Variants in CEP83 observed in about 807,000 individuals in gnomAD.
CEP83 encodes the protein centrosomal protein of 83 kDa.
Under a neutral mutation model 101.9 loss-of-function variants are expected in CEP83, and 70 were observed. The observed-to-expected ratio is 0.69, with a 90% CI of 0.57 to 0.84. The LOEUF (loss-of-function observed/expected upper bound fraction) is 0.84. Among genes scored for constraint, CEP83 ranks in the 40% least tolerant of loss-of-function variants. CEP83 has a pLI of 0.00. For synonymous variants in CEP83, 264 were observed against 267.9 expected (o/e 0.99, Z 0.14); for missense variants, 715 against 787.2 (o/e 0.91, Z 1.10).
intron 11 of CEP83, among the ~76,000 whole-genome samples, chr12:94,356,119 C>G (rs2060461502): frequency 6.6e-6 from 1 of 152,166 alleles, no homozygotes; most frequent in African/African-American, 2.4e-5. Flanking sequence ...GAAGGGTCGC[C>G]AGAGCGACGG....
chr12:94,362,567 G>A (rs2060823705), intron 11 of CEP83, among the ~76,000 whole-genome samples: 1 of 151,674 alleles, frequency 6.6e-6, no homozygotes, highest in Admixed American at 6.6e-5. Context: ...AACCTGGGAG[G>A]CAGAGGTTAC....
At chr12:94,302,093 A>G (rs1432464135), downstream of CEP83, among the ~76,000 whole-genome samples, 2 of 152,108 alleles carry the variant, frequency 1.3e-5, no homozygotes, top group Non-Finnish European at 2.9e-5. Flanking sequence ...TCTTTCTAAA[A>G]CATAAATCTG....
intron 11 of CEP83, among the ~76,000 whole-genome samples, chr12:94,354,812 C>T (rs540701338): frequency 6.4e-4 from 97 of 152,142 alleles, no homozygotes; most frequent in African/African-American, 2.3e-3. Flanking sequence ...GAGATCGAAA[C>T]CATCCTGGCC....
intron 6 of CEP83, among the ~76,000 whole-genome samples, chr12:94,392,506 T>C (rs371536162): frequency 2.0e-5 from 3 of 152,300 alleles, no homozygotes; most frequent in East Asian, 1.9e-4. Context: ...AAAGGGAAAT[T>C]TATAGCACTA....
intron 6 of CEP83, among the ~76,000 whole-genome samples, chr12:94,382,153 T>C (rs1299024214): frequency 1.3e-5 from 2 of 151,990 alleles, no homozygotes; most frequent in Admixed American, 1.3e-4. Context: ...AGTAGAGTTG[T>C]TCAAAGGATT....
At chr12:94,323,972 T>C (rs906871308) in intron 14 of CEP83, among the ~76,000 whole-genome samples, 1 of 152,242 alleles carries the variant, frequency 6.6e-6, no homozygotes, top group African/African-American at 2.4e-5. Flanking sequence ...TGTTAGGGTG[T>C]TGAATTACAC....
chr12:94,426,118 T>A (rs1470099962), intron 2 of CEP83, among the ~76,000 whole-genome samples: 2 of 147,420 alleles, frequency 1.4e-5, no homozygotes, highest in Admixed American at 6.8e-5. Flanking sequence ...CGAAACTCCG[T>A]CTCAAAAAAA....
chr12:94,412,835 C>G (rs1435078405), intron 2 of CEP83, among the ~76,000 whole-genome samples: 1 of 151,112 alleles, frequency 6.6e-6, no homozygotes, highest in Non-Finnish European at 1.5e-5. Flanking sequence ...ATTACAGGCG[C>G]CTGCCACCAT....
At chr12:94,280,805 AGTAG>A in the CEP83 span, among the ~76,000 whole-genome samples, 2 of 152,194 alleles carry the variant, frequency 1.3e-5, no homozygotes, top group Non-Finnish European at 2.9e-5. Flanking sequence ...GCCGCTGATG[AGTAG>A]GTAGTAGCAT....
chr12:94,364,485 CATA>C (rs2060924879), intron 11 of CEP83, among the ~76,000 whole-genome samples: 1 of 152,050 alleles, frequency 6.6e-6, no homozygotes, highest in Non-Finnish European at 1.5e-5. Flanking sequence ...ATTAAAGTAT[CATA>C]ATAATGGTAC....
At chr12:94,424,922 T>C (rs944358848) in intron 2 of CEP83, 4 of 1,596,490 alleles carry the variant, frequency 2.5e-6, no homozygotes, top group African/African-American at 1.3e-5. Flanking sequence ...GTTTCTATTG[T>C]AGCCAAAAGT....
downstream of CEP83, among the ~76,000 whole-genome samples, chr12:94,302,703 A>G (rs1346667624): frequency 6.6e-6 from 1 of 152,206 alleles, no homozygotes; most frequent in Admixed American, 6.5e-5. Flanking sequence ...GAAACCACAC[A>G]AAGTAGCAGA....
chr12:94,372,000 G>C (rs2061330570), intron 8 of CEP83, among the ~76,000 whole-genome samples: 1 of 152,152 alleles, frequency 6.6e-6, no homozygotes, highest in African/African-American at 2.4e-5. Context: ...CTGAGACAGA[G>C]TCTCGCTCTG....
chr12:94,296,247 A>G, the CEP83 span, among the ~76,000 whole-genome samples: 1 of 152,036 alleles, frequency 6.6e-6, no homozygotes. Flanking sequence ...TGAAGCCTCA[A>G]CCTGCTGGGC....
intron 14 of CEP83, among the ~76,000 whole-genome samples, chr12:94,327,425 T>G (rs1361452627): frequency 6.6e-6 from 1 of 152,230 alleles, no homozygotes; most frequent in Non-Finnish European, 1.5e-5. Flanking sequence ...CTTAGTATTC[T>G]TCAGTGATCT....
chr12:94,333,929 G>A lies in CEP83; in HGVS notation c.1420-290C>T, dbSNP rs561785821. Among the ~76,000 whole-genome samples, 26 of 152,146 alleles carry A rather than the reference G, an allele frequency of 1.7e-4. No individual in the cohort carries two copies. In the South Asian group the frequency reaches 5.2e-3, roughly 30 times the overall value. On this transcript the variant is annotated intron_variant, in intron 12 of 16. Transcript: ENST00000397809. ...GAATGGAGAGAAGGGTTATCAGGGG[G>A]ATTAGCAGTGAGATGAGAAAAGGGA...
rs532490537 is a variant in CEP83 at position 94,409,520 on chromosome 12, C to A, written c.324+2177G>T. 7.2e-5 allele frequency among the ~76,000 whole-genome samples: 11 copies of A among 152,274 alleles called. No homozygotes were observed. The South Asian group carries it at 2.1e-3, about 29-fold the overall frequency. ...ATCACTTTAAAAAGTTCACCAGGTT[C>A]TCTAGCACTGAAAGCACTGAAGCAG... On this transcript the variant is annotated intron_variant, in intron 4 of 16. Coordinates refer to ENST00000397809, the MANE Select transcript of CEP83 (RefSeq NM_016122.3).
intron 11 of CEP83, chr12:94,361,409 T>A (rs1436686957): frequency 1.3e-5 from 2 of 151,804 alleles, no homozygotes; most frequent in Admixed American, 6.6e-5. Context: ...TAAGGAGGGG[T>A]GACCTGACCC....
intron 15 of CEP83, among the ~76,000 whole-genome samples, chr12:94,311,293 A>G (rs749782521): frequency 2.6e-5 from 4 of 152,186 alleles, no homozygotes; most frequent in African/African-American, 7.2e-5. Context: ...GCTCATCTAT[A>G]TATTTTGTAA....
Sources: allele counts gnomAD v4.1 joint callset (sites outside exome capture counted in the v4.1 genomes callset), GRCh38; gene constraint gnomAD v4.1.1; transcripts MANE v1.5; gene names NCBI Gene and HGNC (gene_info 2026-07-23, HGNC 2026-07-21).